The following LPCAT3 variants were observed in gnomAD, a reference collection of about 807,000 sequenced individuals.
LPCAT3 encodes lysophosphatidylcholine acyltransferase 3, also known as lysophospholipid acyltransferase 5.
A neutral mutation model predicts 63.4 loss-of-function variants in LPCAT3; 21 were observed. The ratio of observed to expected loss-of-function variants is 0.33; its 90% CI spans 0.23 to 0.48. LPCAT3 has a LOEUF of 0.48. LPCAT3 is among the 20% of genes least tolerant of loss of function. The pLI is 0.99. For missense variants in LPCAT3, 451 were observed against 590.6 expected (o/e 0.76, Z 2.45); for synonymous variants, 242 against 227.5 (o/e 1.06, Z -0.58).
At chr12:6,981,692 G>A (rs1946472854) in intron 4 of LPCAT3, 60 bp from the exon 5 acceptor site, 1 of 879,182 alleles carries the variant, frequency 1.1e-6, no homozygotes, top group East Asian at 3.7e-5. Context: ...GATGTGGCCT[G>A]TAGACTGAGT....
chr12:7,016,780 A>G (rs1555157641), intron 1 of LPCAT3, among the ~76,000 whole-genome samples: 1 of 152,218 alleles, frequency 6.6e-6, no homozygotes, highest in Non-Finnish European at 1.5e-5. Flanking sequence ...GTGTAGTGCA[A>G]ATAAGCCTAG....
chr12:7,010,605 C>T (rs1189386868), intron 1 of LPCAT3, among the ~76,000 whole-genome samples: 2 of 152,052 alleles, frequency 1.3e-5, no homozygotes, highest in African/African-American at 2.4e-5. Context: ...TTTTAAAAGG[C>T]GACTGAACTG....
chr12:6,978,174 T>G, intron 9 of LPCAT3, 167 bp downstream of exon 9: 1 of 765,910 alleles, frequency 1.3e-6, no homozygotes, highest in Non-Finnish European at 2.1e-6. Flanking sequence ...CAGTAATGGT[T>G]TTTTTGGGAG....
chr12:6,988,053 A>G lies in LPCAT3; in HGVS notation c.152-4514T>C. 5.5e-6 allele frequency: 2 copies of G among 362,206 alleles called. 1 individual carries two copies. Among genetic ancestry groups the G allele is most frequent in the East Asian group, 8.0e-5 (2 of 25,134 alleles). The allele number at this position is 362,206 out of a possible 1,614,324, so 22.4% of individuals were successfully genotyped here. On this transcript the variant is annotated intron_variant, in intron 1 of 12. Coordinates refer to ENST00000261407, the MANE Select transcript of LPCAT3 (RefSeq NM_005768.6). ...CCATAACCTTATTTTAAAGGTGTAA[A>G]AAAAAAAAGATTTAAGACAAAAGCA...
intron 1 of LPCAT3, among the ~76,000 whole-genome samples, chr12:6,995,622 A>C (rs1946629869): frequency 6.6e-6 from 1 of 152,054 alleles, no homozygotes; most frequent in African/African-American, 2.4e-5. Context: ...ATTTGCAGTT[A>C]AAACCCTTAT....
chr12:6,982,944 T>TA, intron 2 of LPCAT3, 162 bp from the exon 3 acceptor site: 1 of 664,384 alleles, frequency 1.5e-6, no homozygotes, highest in Non-Finnish European at 2.7e-6. Context: ...TTTATTAAAA[T>TA]AAAAAAGATT....
At chr12:6,996,812 G>A (rs1252374717) in intron 1 of LPCAT3, among the ~76,000 whole-genome samples, 1 of 152,240 alleles carries the variant, frequency 6.6e-6, no homozygotes, top group African/African-American at 2.4e-5. Context: ...CTCGACCACA[G>A]TGGTCGGGAG....
At chr12:7,013,604 T>C (rs1365211738) in intron 1 of LPCAT3, among the ~76,000 whole-genome samples, 2 of 152,172 alleles carry the variant, frequency 1.3e-5, no homozygotes, top group African/African-American at 4.8e-5. Context: ...AAGCTGATTC[T>C]TGGGTTTCAG....
At chr12:6,998,055 G>A (rs1004818474) in intron 1 of LPCAT3, among the ~76,000 whole-genome samples, 2 of 152,132 alleles carry the variant, frequency 1.3e-5, no homozygotes, top group Non-Finnish European at 2.9e-5. Context: ...TTGCTCTGTC[G>A]CAAAGGCTGG....
rs373743830 is a variant in LPCAT3, at chr12:6,982,703, G to A, written c.339C>T (p.Ala113=). ...TCTGGAAGCAAAAGGTAGTGAGGAC[G>A]GCAGTGATGGTGCGGCCCATTAGTC... ...ILRLMGRTIT[A]VLTTFCFQMA... is the part of the protein sequence containing the mutation. The change falls in exon 3 of 13, where the codon GCC becomes GCT. Residue 113 remains alanine, a synonymous_variant. Coordinates refer to ENST00000261407, the MANE Select transcript of LPCAT3 (RefSeq NM_005768.6). 102 of 1,613,476 alleles carry A rather than the reference G, an allele frequency of 6.3e-5. No homozygotes were observed. Among genetic ancestry groups the A allele is most frequent in the Non-Finnish European group, 5.4e-5 (64 of 1,179,512 alleles).
chr12:6,993,525 T>C (rs1441826468), intron 1 of LPCAT3, among the ~76,000 whole-genome samples: 1 of 152,204 alleles, frequency 6.6e-6, no homozygotes, highest in Non-Finnish European at 1.5e-5. Context: ...CCCATACATG[T>C]TGGCAGTCAT....
chr12:7,012,619 TC>T (rs1946770891), intron 1 of LPCAT3, among the ~76,000 whole-genome samples: 1 of 152,196 alleles, frequency 6.6e-6, no homozygotes, highest in Non-Finnish European at 1.5e-5. Context: ...TATAACCTTT[TC>T]CATGGCATTT....
chr12:7,005,706 C>T (rs992800598), intron 1 of LPCAT3, among the ~76,000 whole-genome samples: 4 of 152,134 alleles, frequency 2.6e-5, no homozygotes, highest in African/African-American at 7.2e-5. Context: ...CAGCTTTTCA[C>T]GAGCTTATTG....
intron 1 of LPCAT3, among the ~76,000 whole-genome samples, chr12:6,984,554 G>T (rs1041706307): frequency 5.3e-5 from 8 of 152,142 alleles, no homozygotes; most frequent in Admixed American, 2.6e-4. Flanking sequence ...TCTTGAGTTG[G>T]TCATGGTTTA....
chr12:7,001,879 T>C (rs1946689872), intron 1 of LPCAT3, among the ~76,000 whole-genome samples: 1 of 152,046 alleles, frequency 6.6e-6, no homozygotes, highest in Non-Finnish European at 1.5e-5. Context: ...AGAGTCCATA[T>C]GAGGCAAGAA....
rs782116134 is a variant in LPCAT3 at position 6,987,623 on chromosome 12, C to G, written c.152-4084G>C. ...GGGGTATAAATAAAAAAATATAAAACAGTAGATAATTATCTAGAGCACTCA... is the reference window on the plus strand; with the variant it reads ...GGGGTATAAATAAAAAAATATAAAAGAGTAGATAATTATCTAGAGCACTCA... On this transcript the variant is annotated intron_variant, in intron 1 of 12. Transcript: ENST00000261407. The surrounding 1 kb of genome is among the most constrained non-coding windows in gnomAD (Gnocchi z 4.1). Among the ~76,000 whole-genome samples, 19 of 152,156 alleles carry G rather than the reference C, an allele frequency of 1.2e-4. No individual in the cohort carries two copies. The highest frequency in any genetic ancestry group is 5.2e-4 in the Admixed American group (8 of 15,270).
At chr12:6,999,256 C>G (rs16933023) in intron 1 of LPCAT3, among the ~76,000 whole-genome samples, 18,133 of 152,174 alleles carry the variant, frequency 0.12, 1,451 homozygotes, top group African/African-American at 0.22. Flanking sequence ...CTGAAAGTTA[C>G]CTCCACCTAA....
intron 1 of LPCAT3, among the ~76,000 whole-genome samples, chr12:6,990,083 A>G (rs1273062029): frequency 1.3e-5 from 2 of 151,896 alleles, no homozygotes; most frequent in African/African-American, 4.8e-5. Flanking sequence ...AGGCTGAGGC[A>G]GGAGGATCAC....
In LPCAT3 at chr12:6,982,642, C is replaced by T. The variant is rs782112976; in HGVS notation, c.366+34G>A. 6.6e-6 allele frequency: 10 copies of T among 1,517,534 alleles called. No homozygotes were observed. The South Asian group carries it at 9.0e-5, about 14-fold the overall frequency. The allele number at this position is 1,517,534 out of a possible 1,614,324, so 94.0% of individuals were successfully genotyped here. On this transcript the variant is annotated intron_variant, in intron 3 of 12. Transcript: ENST00000261407. ...CCCCTGTCCCCTGAACCGCTGTCAG[C>T]TGTAGCCTGAGCTGCTAAGGGAAAG... is the stretch of plus-strand genomic sequence containing the variant.
Sources: allele counts gnomAD v4.1 joint callset (sites outside exome capture counted in the v4.1 genomes callset), GRCh38; gene constraint gnomAD v4.1.1; non-coding constraint Gnocchi (gnomAD v3.1); transcripts MANE v1.5; gene names NCBI Gene and HGNC (gene_info 2026-07-23, HGNC 2026-07-21).